MARCHF1: variants seen among roughly 807,000 people sequenced by gnomAD.
MARCHF1 encodes the protein E3 ubiquitin-protein ligase MARCHF1.
Under a neutral mutation model 54.2 loss-of-function variants are expected in MARCHF1, and 40 were observed. That is an observed-to-expected ratio of 0.74 (90% CI 0.57 to 0.96). MARCHF1 has a LOEUF of 0.96. Ranked by LOEUF, MARCHF1 falls within the 40% of genes least tolerant of loss-of-function variation. The pLI, the probability that MARCHF1 is intolerant of heterozygous loss-of-function variation, is 0.00. For missense variants in MARCHF1, 586 were observed against 656.5 expected, an observed-to-expected ratio of 0.89 and a Z score of 1.17; for synonymous variants, 236 against 236.3, an observed-to-expected ratio of 1.00 and a Z score of 0.01.
At chr4:163,732,497 T>A (rs1488045398) in intron 4 of MARCHF1, among the ~76,000 whole-genome samples, 1 of 152,088 alleles carries the variant, frequency 6.6e-6, no homozygotes, top group Non-Finnish European at 1.5e-5. Flanking sequence ...TAATTATAAA[T>A]ACATTGATAC....
rs939083541 is a variant in MARCHF1 at position 164,352,637 on chromosome 4, G to A, written c.-323+31233C>T. ...CGCTAAACATGGAAAGGAACAACCGGTACCAGCCGCTGCAAAATCATGCCA... is the reference window on the plus strand; with the variant it reads ...CGCTAAACATGGAAAGGAACAACCGATACCAGCCGCTGCAAAATCATGCCA... On this transcript the variant is annotated intron_variant, in intron 1 of 9. Coordinates refer to ENST00000514618, the MANE Select transcript of MARCHF1 (RefSeq NM_001394959.1). Among the ~76,000 whole-genome samples, 45 of 150,634 alleles carry A rather than the reference G, an allele frequency of 3.0e-4. 1 individual carries two copies. Among genetic ancestry groups the A allele is most frequent in the African/African-American group, 5.8e-4 (24 of 41,346 alleles).
chr4:163,894,777 A>G lies in MARCHF1; in HGVS notation c.-38-40608T>C, dbSNP rs1267434034. ...GCATATATATACATGCATGTGATGCATATATATACATGCATGTGATGCATA... is the reference window on the plus strand; with the variant it reads ...GCATATATATACATGCATGTGATGCGTATATATACATGCATGTGATGCATA... On this transcript the variant is annotated intron_variant, in intron 3 of 9. Transcript: ENST00000514618. Among the ~76,000 whole-genome samples, 3 of 48,416 alleles carry G rather than the reference A, an allele frequency of 6.2e-5. 1 individual carries two copies. Among genetic ancestry groups the G allele is most frequent in the African/African-American group, 3.2e-4 (3 of 9,398 alleles). 31.8% of individuals were successfully genotyped at this position (48,416 alleles called of 152,430 possible).
intron 4 of MARCHF1, among the ~76,000 whole-genome samples, chr4:163,781,671 T>C (rs893565624): frequency 6.6e-6 from 1 of 152,176 alleles, no homozygotes; most frequent in Non-Finnish European, 1.5e-5. Flanking sequence ...AGAAATTGTG[T>C]TGGGTGCAGT....
At chr4:163,744,001 A>C (rs1746285378) in intron 4 of MARCHF1, among the ~76,000 whole-genome samples, 1 of 152,214 alleles carries the variant, frequency 6.6e-6, no homozygotes, top group African/African-American at 2.4e-5. Flanking sequence ...TTTAGTGAGA[A>C]GTGAGAAGTA....
intron 3 of MARCHF1, among the ~76,000 whole-genome samples, chr4:163,926,997 C>A (rs977023319): frequency 2.6e-5 from 4 of 151,686 alleles, no homozygotes; most frequent in Non-Finnish European, 3.0e-5. Flanking sequence ...ATAACCAATG[C>A]TAATTTTAAG....
intron 4 of MARCHF1, among the ~76,000 whole-genome samples, chr4:163,840,958 A>AT (rs1749320725): frequency 2.1e-5 from 2 of 94,800 alleles, no homozygotes; most frequent in Non-Finnish European, 4.6e-5. Flanking sequence ...GGAAGAAAGC[A>AT]TTTTTATGAG....
rs778065313 is a variant in MARCHF1, at chr4:163,887,814, A to C, written c.-38-33645T>G. Among the ~76,000 whole-genome samples the C allele has an allele frequency of 2.6e-5, 4 of 152,090 alleles. 1 individual carries two copies. The highest frequency in any genetic ancestry group is 4.1e-4 in the South Asian group (2 of 4,826). On this transcript the variant is annotated intron_variant, in intron 3 of 9. Transcript: ENST00000514618. ...GTGCTCTTTCTTTAGTGAGACTCCA[A>C]ATTTTATAACTCTTCCCTTATTTGG... is the stretch of plus-strand genomic sequence containing the variant.
chr4:163,684,056 C>T (rs1179534391), intron 5 of MARCHF1, among the ~76,000 whole-genome samples: 1 of 152,180 alleles, frequency 6.6e-6, no homozygotes, highest in Non-Finnish European at 1.5e-5. Flanking sequence ...AGCCTTTATG[C>T]CTCTCAAGGT....
At chr4:163,977,561 T>C in intron 3 of MARCHF1, among the ~76,000 whole-genome samples, 1 of 152,166 alleles carries the variant, frequency 6.6e-6, no homozygotes, top group Admixed American at 6.6e-5. Flanking sequence ...TTGTGGATGT[T>C]ACAAACATTG....
At chr4:163,922,270 G>A (rs1267899067) in intron 3 of MARCHF1, among the ~76,000 whole-genome samples, 7 of 152,032 alleles carry the variant, frequency 4.6e-5, no homozygotes, top group Non-Finnish European at 8.8e-5. Flanking sequence ...GTTAAATGAC[G>A]AGGTGATGGG....
rs1265882890 is a variant in MARCHF1, at chr4:163,894,660, TGCATGTG to T, written c.-38-40498_-38-40492del. Among the ~76,000 whole-genome samples, 2 of 8,762 alleles carry T rather than the reference TGCATGTG, an allele frequency of 2.3e-4. 1 individual carries two copies. The highest frequency in any genetic ancestry group is 0.013 in the East Asian group (2 of 158). 5.7% of individuals were successfully genotyped at this position (8,762 alleles called of 152,430 possible). A position where few individuals can be genotyped will look rare whatever the true frequency, so the allele number is the denominator to read the frequency against. ...TATATATGCATGTGATGCATATATA[TGCATGTG>T]ATGCATATATATGCATGTGATGCAT... On this transcript the variant is annotated intron_variant, in intron 3 of 9. Transcript: ENST00000514618.
intron 7 of MARCHF1, among the ~76,000 whole-genome samples, chr4:163,609,619 G>GTA (rs562424797): frequency 1.4e-3 from 214 of 149,456 alleles, no homozygotes; most frequent in East Asian, 4.5e-3. Flanking sequence ...GTGTGTGTGT[G>GTA]TGTGTATATA....
At chr4:163,614,239 GT>G (rs1309299759) in intron 5 of MARCHF1, among the ~76,000 whole-genome samples, 1 of 152,090 alleles carries the variant, frequency 6.6e-6, no homozygotes, top group Non-Finnish European at 1.5e-5. Flanking sequence ...ATAACTAACA[GT>G]TTTGAGTGAA....
chr4:163,963,591 A>G (rs927896864), intron 3 of MARCHF1, among the ~76,000 whole-genome samples: 4 of 151,906 alleles, frequency 2.6e-5, no homozygotes, highest in African/African-American at 7.2e-5. Flanking sequence ...TCCTATGATA[A>G]ACCATGCTTC....
rs776492393 is a variant in MARCHF1, at chr4:163,612,391, T to C, written c.890A>G (p.Glu297Gly). ...GCTGCCTTCTGGAACTCCCAGTATT[T>C]CAGTGCTGGAATCTGTTTCTGAAAA... ...KTFSETDSSTEILGVPEGSKD... is the reference protein window; with the variant it reads ...KTFSETDSSTGILGVPEGSKD... Residue 297 changes from glutamate (E) to glycine (G), a missense_variant, in exon 7 of 10, where the codon GAA (glutamate) becomes GGA (glycine). By Grantham distance (98) the Glu-to-Gly change is moderately conservative. Coordinates refer to ENST00000514618, the MANE Select transcript of MARCHF1 (RefSeq NM_001394959.1). 8 of 1,535,468 alleles carry C rather than the reference T, an allele frequency of 5.2e-6. No homozygotes were observed. In the South Asian group the frequency reaches 9.5e-5, roughly 18 times the overall value.
intron 1 of MARCHF1, among the ~76,000 whole-genome samples, chr4:164,311,044 G>T (rs1734837024): frequency 1.3e-5 from 2 of 152,040 alleles, no homozygotes; most frequent in African/African-American, 4.8e-5. Flanking sequence ...AATAAAAAGT[G>T]GAACCATTCT....
chr4:163,594,295 G>A (rs1740688143), intron 7 of MARCHF1, among the ~76,000 whole-genome samples: 1 of 151,946 alleles, frequency 6.6e-6, no homozygotes, highest in Non-Finnish European at 1.5e-5. Context: ...ATGTGGCCAA[G>A]TATGAAAAGA....
chr4:164,270,990 G>A (rs1023836663), intron 1 of MARCHF1, among the ~76,000 whole-genome samples: 1 of 152,116 alleles, frequency 6.6e-6, no homozygotes, highest in Non-Finnish European at 1.5e-5. Context: ...ATAAACTCAT[G>A]TACCATAATT....
rs190624126 is a variant in MARCHF1 at position 163,940,322 on chromosome 4, G to A, written c.-39+48179C>T. Among the ~76,000 whole-genome samples, 26 of 152,110 alleles carry A rather than the reference G, an allele frequency of 1.7e-4. No homozygotes were observed. The East Asian group carries it at 3.1e-3, about 18-fold the overall frequency. On this transcript the variant is annotated intron_variant, in intron 3 of 9. Transcript: ENST00000514618. ...TTCATGCAAATTATTTGTGTCTTCCGTTGTATTTATTTAAATATTCTATTT... is the reference window on the plus strand; with the variant it reads ...TTCATGCAAATTATTTGTGTCTTCCATTGTATTTATTTAAATATTCTATTT...
Sources: allele counts gnomAD v4.1 joint callset (sites outside exome capture counted in the v4.1 genomes callset), GRCh38; gene constraint gnomAD v4.1.1; transcripts MANE v1.5; gene names NCBI Gene and HGNC (gene_info 2026-07-23, HGNC 2026-07-21).